Variants in MSI2 observed in about 807,000 individuals in gnomAD.
MSI2 encodes the protein musashi RNA binding protein 2, also known as RNA-binding protein Musashi homolog 2.
A neutral mutation model predicts 45.6 loss-of-function variants in MSI2; 17 were observed. That is an observed-to-expected ratio of 0.37 (90% CI 0.26 to 0.56). MSI2 has a LOEUF of 0.56. Among genes scored for constraint, MSI2 ranks in the 20% least tolerant of loss-of-function variants. The pLI, the probability that MSI2 is intolerant of heterozygous loss-of-function variation, is 0.77. For synonymous variants in MSI2, 156 were observed against 158.2 expected (o/e 0.99, Z 0.11); for missense variants, 293 against 444.2 (o/e 0.66, Z 3.06).
chr17:57,344,196 C>T (rs570165387), intron 5 of MSI2, among the ~76,000 whole-genome samples: 64 of 152,282 alleles, frequency 4.2e-4, no homozygotes, highest in South Asian at 1.0e-3. Flanking sequence ...CTTTATTTAC[C>T]ACTTGGCCCT....
chr17:57,614,299 T>C (rs1228876445), intron 8 of MSI2, among the ~76,000 whole-genome samples: 1 of 152,200 alleles, frequency 6.6e-6, no homozygotes, highest in East Asian at 1.9e-4. Flanking sequence ...GCAGTCTGCC[T>C]GCCTTAGCCT....
In MSI2 at chr17:57,325,790, T is replaced by A. The variant is rs1598122198; in HGVS notation, c.312+63598T>A. ...AGATCAGATCAAATTCTTAAGGGGC[T>A]CCCATACGGATGCCTGCCGTACCAA... On this transcript the variant is annotated intron_variant, in intron 5 of 13. Transcript: ENST00000284073. 1.3e-5 allele frequency among the ~76,000 whole-genome samples: 2 copies of A among 152,132 alleles called. 1 individual carries two copies. Among genetic ancestry groups the A allele is most frequent in the South Asian group, 4.1e-4 (2 of 4,830 alleles).
At chr17:57,687,560 A>T (rs951469378), downstream of MSI2, among the ~76,000 whole-genome samples, 12 of 152,092 alleles carry the variant, frequency 7.9e-5, no homozygotes, top group African/African-American at 2.9e-4. Flanking sequence ...GAAGTGGAAA[A>T]CCAGGATAAA....
chr17:57,339,070 G>A (rs1914914022), intron 5 of MSI2, among the ~76,000 whole-genome samples: 1 of 152,178 alleles, frequency 6.6e-6, no homozygotes, highest in Admixed American at 6.5e-5. Flanking sequence ...AATCACGGAC[G>A]TTAAAATAAA....
rs959084166 is a variant in MSI2, at chr17:57,404,427, T to C, written c.405+2956T>C. 3.3e-5 allele frequency among the ~76,000 whole-genome samples: 5 copies of C among 152,314 alleles called. No homozygotes were observed. In the East Asian group the frequency reaches 9.6e-4, roughly 29 times the overall value. On this transcript the variant is annotated intron_variant, in intron 6 of 13. Coordinates refer to ENST00000284073, the MANE Select transcript of MSI2 (RefSeq NM_138962.4). ...TGGACATTCATCACCTCATTTTACC[T>C]GTGCAGCAGATATTGGTATCCTCCA... is the stretch of plus-strand genomic sequence containing the variant.
intron 7 of MSI2, among the ~76,000 whole-genome samples, chr17:57,577,147 C>A (rs1475954414): frequency 1.3e-5 from 2 of 152,192 alleles, no homozygotes; most frequent in Non-Finnish European, 2.9e-5. Context: ...TGAAGGACTA[C>A]CCCTGGGAGG....
rs1382332810 is a variant in MSI2, at chr17:57,675,104, C to T, written c.923C>T (p.Ser308Leu). Residue 308 changes from serine to leucine, a missense_variant, in exon 12 of 14, where the codon TCG (serine) becomes TTG (leucine). Coordinates refer to ENST00000284073, the MANE Select transcript of MSI2 (RefSeq NM_138962.4). ...YISAASPQPG[S>L]GFGHGIAGPL... is the part of the protein sequence containing the mutation. ...AGTGCGGCCAGCCCACAGCCGGGCT[C>T]GGGCTTCGGCCACGGCATAGCTGTA... The T allele has an allele frequency of 2.5e-6, 4 of 1,613,602 alleles. No homozygotes were observed. Among genetic ancestry groups the T allele is most frequent in the African/African-American group, 2.7e-5 (2 of 74,920 alleles).
chr17:57,482,293 C>CG (rs1350661905), intron 6 of MSI2, among the ~76,000 whole-genome samples: 1 of 152,178 alleles, frequency 6.6e-6, no homozygotes, highest in Non-Finnish European at 1.5e-5. Flanking sequence ...GAAACACCAT[C>CG]GGCTCACAGT....
At chr17:57,519,222 T>C (rs987750046) in intron 6 of MSI2, among the ~76,000 whole-genome samples, 10 of 152,122 alleles carry the variant, frequency 6.6e-5, no homozygotes, top group African/African-American at 1.7e-4. Flanking sequence ...ACCCACAGCA[T>C]TGGGTGTGGC....
At position 57,562,826 on chromosome 17, in the gene MSI2, G is replaced by A. The variant is rs562441458; in HGVS notation, c.454+33102G>A. Reference sequence around the variant, plus strand: ...TTAAAAATGCGTACAGGCCGGGTGCGATGGCTCATGCCTGTAATCCCAGCA... The same window carrying A: ...TTAAAAATGCGTACAGGCCGGGTGCAATGGCTCATGCCTGTAATCCCAGCA... On this transcript the variant is annotated intron_variant, in intron 7 of 13. Transcript: ENST00000284073. Among the ~76,000 whole-genome samples the A allele has an allele frequency of 2.1e-4, 32 of 152,074 alleles. No individual in the cohort carries two copies. The South Asian group carries it at 4.8e-3, about 23-fold the overall frequency.
intron 7 of MSI2, among the ~76,000 whole-genome samples, chr17:57,567,854 G>A (rs570529336): frequency 6.6e-6 from 1 of 152,358 alleles, no homozygotes; most frequent in South Asian, 2.1e-4. Flanking sequence ...GGAAGGGGAA[G>A]GGAGGAGACA....
intron 8 of MSI2, among the ~76,000 whole-genome samples, chr17:57,615,513 A>T (rs1907602054): frequency 6.6e-6 from 1 of 152,168 alleles, no homozygotes; most frequent in African/African-American, 2.4e-5. Flanking sequence ...TAAGAGTTTG[A>T]ATCAGATGGC....
chr17:57,566,406 TA>T (rs1357740907), intron 7 of MSI2, among the ~76,000 whole-genome samples: 3 of 152,050 alleles, frequency 2.0e-5, no homozygotes, highest in Non-Finnish European at 2.9e-5. Flanking sequence ...TAAAATGAGC[TA>T]AAAAAGCCAT....
At chr17:57,621,087 T>C (rs7211323) in intron 9 of MSI2, among the ~76,000 whole-genome samples, 2,655 of 152,368 alleles carry the variant, frequency 0.017, 69 homozygotes, top group African/African-American at 0.059. Context: ...CATCAAAGAC[T>C]GTTTCTCTTT....
rs1486161408 is a variant in MSI2, at chr17:57,262,187, C to T, written c.307C>T (p.Pro103Ser). The T allele has an allele frequency of 6.2e-7, 1 of 1,613,970 alleles. No homozygotes were observed. The change falls in exon 5 of 14, where the codon CCC becomes TCC. Residue 103 changes from proline (P) to serine (S), a missense_variant. Physicochemically the swap from Pro to Ser is moderately conservative, Grantham distance 74. Coordinates refer to ENST00000284073, the MANE Select transcript of MSI2 (RefSeq NM_138962.4). Reference sequence around the variant, plus strand: ...AGTTGCATTTCCTCGTCGAGCGCAACCCAAGGTAAGTAGGAGAATAAACAG... The same window carrying T: ...AGTTGCATTTCCTCGTCGAGCGCAATCCAAGGTAAGTAGGAGAATAAACAG... ...PKVAFPRRAQ[P>S]KMVTRTKKIF... is the part of the protein sequence containing the mutation.
At chr17:57,566,222 A>T (rs1478845204) in intron 7 of MSI2, among the ~76,000 whole-genome samples, 1 of 152,218 alleles carries the variant, frequency 6.6e-6, no homozygotes, top group East Asian at 1.9e-4. Context: ...GACCCATCTT[A>T]AACGTGGAAA....
Position 57,552,898 on chromosome 17 carries a change from A to C in MSI2, c.454+23174A>C, listed in dbSNP as rs1258862179. ...TAGAATTCACAGAGTGGAAGAACCA[A>C]GCTTTTTAGGGCTGATGTGGCGTGG... is the stretch of plus-strand genomic sequence containing the variant. On this transcript the variant is annotated intron_variant, in intron 7 of 13. Transcript: ENST00000284073. The surrounding 1 kb of genome is among the most constrained non-coding windows in gnomAD (Gnocchi z 4.3). Among the ~76,000 whole-genome samples the C allele has an allele frequency of 6.6e-6, 1 of 152,188 alleles. No individual in the cohort carries two copies. The highest frequency in any genetic ancestry group is 1.5e-5 in the Non-Finnish European group (1 of 68,034).
chr17:57,472,071 C>T (rs185951187), intron 6 of MSI2, among the ~76,000 whole-genome samples: 18 of 152,122 alleles, frequency 1.2e-4, no homozygotes, highest in African/African-American at 3.4e-4. Flanking sequence ...ACACAGGGGG[C>T]GAGGGTGAGA....
At chr17:57,644,712 G>C (rs989524662) in intron 10 of MSI2, among the ~76,000 whole-genome samples, 2 of 152,156 alleles carry the variant, frequency 1.3e-5, no homozygotes, top group Non-Finnish European at 2.9e-5. Context: ...GCTGGGGAAG[G>C]GGGTGGAGAG....
Sources: allele counts gnomAD v4.1 joint callset (sites outside exome capture counted in the v4.1 genomes callset), GRCh38; gene constraint gnomAD v4.1.1; non-coding constraint Gnocchi (gnomAD v3.1); transcripts MANE v1.5; gene names NCBI Gene and HGNC (gene_info 2026-07-23, HGNC 2026-07-21).